Variants in SH3BGRL observed in about 807,000 individuals in gnomAD.
SH3BGRL encodes the protein adapter SH3BGRL.
A neutral mutation model predicts 9.8 loss-of-function variants in SH3BGRL; 7 were observed. The ratio of observed to expected loss-of-function variants is 0.72; its 90% CI spans 0.41 to 1.35. The LOEUF is 1.35. SH3BGRL is among the 40% of genes most tolerant of loss of function. SH3BGRL has a pLI of 0.01. For missense variants in SH3BGRL, 73 were observed against 84.4 expected (o/e 0.86, Z 0.53); for synonymous variants, 36 against 29.1 (o/e 1.24, Z -0.76).
At chrX:81,283,571 A>G in intron 3 of SH3BGRL, among the ~76,000 whole-genome samples, 1 of 112,253 alleles carries the variant, frequency 8.9e-6, no homozygotes, top group South Asian at 3.7e-4. Context: ...CAAAAGTTAC[A>G]TAATCAGCTC....
At chrX:81,256,702 G>A (rs1482466308) in intron 1 of SH3BGRL, among the ~76,000 whole-genome samples, 2 of 112,294 alleles carry the variant, frequency 1.8e-5, no homozygotes, top group African/African-American at 6.5e-5. Flanking sequence ...CTACTTGGCT[G>A]ATCGTGCTAC....
intron 3 of SH3BGRL, among the ~76,000 whole-genome samples, chrX:81,287,889 G>A (rs2075840916): frequency 9.4e-6 from 1 of 106,749 alleles, no homozygotes; most frequent in Non-Finnish European, 1.9e-5. Flanking sequence ...ATTCTACAAG[G>A]CCAATATTAC....
chrX:81,245,546 C>A (rs750813561), intron 1 of SH3BGRL, among the ~76,000 whole-genome samples: 2 of 112,099 alleles, frequency 1.8e-5, no homozygotes, highest in East Asian at 5.6e-4. Context: ...AAGTACATTG[C>A]ATTAATTTAC....
At chrX:81,224,631 G>A (rs181623089) in intron 1 of SH3BGRL, among the ~76,000 whole-genome samples, 3 of 111,449 alleles carry the variant, frequency 2.7e-5, no homozygotes, top group African/African-American at 6.5e-5. Context: ...ATAGATACTA[G>A]AAGGCATTAT....
At chrX:81,243,616 C>A (rs190615331) in intron 1 of SH3BGRL, among the ~76,000 whole-genome samples, 89 of 110,714 alleles carry the variant, frequency 8.0e-4, no homozygotes, top group Non-Finnish European at 1.1e-3. Context: ...GGGATGGATA[C>A]CTAATTCTGT....
rs188239490 is a variant in SH3BGRL at position 81,207,817 on chromosome X, T to A, written c.45+5572T>A. On this transcript the variant is annotated intron_variant, in intron 1 of 3. Transcript: ENST00000373212. ...TGATGCTTAGTATTTGATGGCTGAT[T>A]TCCTAAATTTCACAGAAACATTGGA... 3.2e-3 allele frequency among the ~76,000 whole-genome samples: 356 copies of A among 111,871 alleles called. 2 individuals carry two copies. Among genetic ancestry groups the A allele is most frequent in the African/African-American group, 0.011 (341 of 30,780 alleles).
chrX:81,249,108 G>GAAAAC (rs753871575), intron 1 of SH3BGRL, among the ~76,000 whole-genome samples: 5 of 110,827 alleles, frequency 4.5e-5, no homozygotes, highest in African/African-American at 9.9e-5. Flanking sequence ...GCTGTCTTGG[G>GAAAAC]AAAACAAAAC....
At chrX:81,292,425 G>C (rs781604493) in intron 3 of SH3BGRL, among the ~76,000 whole-genome samples, 32 of 110,780 alleles carry the variant, frequency 2.9e-4, no homozygotes, top group African/African-American at 9.5e-4. Flanking sequence ...ATATCCTGAG[G>C]CTGCACAGAG....
chrX:81,247,013 G>A (rs888456060), intron 1 of SH3BGRL, among the ~76,000 whole-genome samples: 1 of 111,731 alleles, frequency 9.0e-6, no homozygotes, highest in Non-Finnish European at 1.9e-5. Context: ...TTTTGTTATA[G>A]AGATCTTTCA....
intron 1 of SH3BGRL, among the ~76,000 whole-genome samples, chrX:81,244,850 A>G (rs1343642396): frequency 9.0e-6 from 1 of 111,014 alleles, no homozygotes; most frequent in African/African-American, 3.3e-5. Flanking sequence ...CCCTGTGTTC[A>G]GGTAAAAGAA....
intron 1 of SH3BGRL, among the ~76,000 whole-genome samples, chrX:81,261,720 G>T (rs2075742033): frequency 9.0e-6 from 1 of 111,260 alleles, no homozygotes; most frequent in Admixed American, 9.6e-5. Context: ...GAAGTACTTT[G>T]CTAGTTGGGA....
In SH3BGRL at chrX:81,229,211, G is replaced by C. The variant is rs770934167; in HGVS notation, c.45+26966G>C. ...GGGGGTGTGGCTCACTTTTTCGGTG[G>C]CCCGCCACTCAAACCTCTGGGGGGA... On this transcript the variant is annotated intron_variant, in intron 1 of 3. Transcript: ENST00000373212. 4.1e-3 allele frequency among the ~76,000 whole-genome samples: 453 copies of C among 109,438 alleles called. 1 individual carries two copies. Among genetic ancestry groups the C allele is most frequent in the Admixed American group, 8.2e-3 (85 of 10,341 alleles).
At chrX:81,207,405 T>C (rs750961374) in intron 1 of SH3BGRL, among the ~76,000 whole-genome samples, 1 of 112,603 alleles carries the variant, frequency 8.9e-6, no homozygotes, top group South Asian at 3.7e-4. Context: ...CTCTGCACAA[T>C]TTATAACAAC....
chrX:81,226,908 T>C (rs753708620), intron 1 of SH3BGRL, among the ~76,000 whole-genome samples: 1 of 111,572 alleles, frequency 9.0e-6, no homozygotes, highest in South Asian at 3.7e-4. Context: ...CTCTGACCTT[T>C]AGAACCGTGT....
At chrX:81,271,930 C>G (rs1602621962) in intron 1 of SH3BGRL, among the ~76,000 whole-genome samples, 2 of 111,318 alleles carry the variant, frequency 1.8e-5, no homozygotes, top group African/African-American at 6.5e-5. Context: ...CATGGTGGCT[C>G]ATGCCTGTAA....
rs148048603 is a variant in SH3BGRL at position 81,236,325 on chromosome X, G to A, written c.45+34080G>A. Among the ~76,000 whole-genome samples, 849 of 111,733 alleles carry A rather than the reference G, an allele frequency of 7.6e-3. 7 individuals carry two copies. Among genetic ancestry groups the A allele is most frequent in the Non-Finnish European group, 0.012 (663 of 53,119 alleles). Reference sequence around the variant, plus strand: ...ACAACCCTTTCAGATATTAAAACATGCCTAGTAAACTTCTATTAACGGGTA... The same window carrying A: ...ACAACCCTTTCAGATATTAAAACATACCTAGTAAACTTCTATTAACGGGTA... On this transcript the variant is annotated intron_variant, in intron 1 of 3. Coordinates refer to ENST00000373212, the MANE Select transcript of SH3BGRL (RefSeq NM_003022.3).
chrX:81,274,611 A>G (rs1017665878), intron 1 of SH3BGRL, among the ~76,000 whole-genome samples: 3 of 110,042 alleles, frequency 2.7e-5, no homozygotes, highest in Non-Finnish European at 5.7e-5. Context: ...AAAAGCAATA[A>G]TTATTTATAT....
chrX:81,275,383 G>A (rs1378864006), intron 1 of SH3BGRL, among the ~76,000 whole-genome samples: 1 of 111,395 alleles, frequency 9.0e-6, no homozygotes, highest in Non-Finnish European at 1.9e-5. Flanking sequence ...ACAGATGAGA[G>A]CCACCGTGCC....
chrX:81,265,609 T>C (rs981280384), intron 1 of SH3BGRL, among the ~76,000 whole-genome samples: 5 of 112,114 alleles, frequency 4.5e-5, no homozygotes, highest in African/African-American at 9.7e-5. Flanking sequence ...CAGTCTATCA[T>C]TGATGGACAT....
Sources: gnomAD v4.1 joint callset for allele counts (sites outside exome capture counted in the v4.1 genomes callset) on GRCh38, gnomAD v4.1.1 for gene constraint, MANE v1.5 for transcripts, NCBI Gene and HGNC (gene_info 2026-07-23, HGNC 2026-07-21) for gene names.